The following TEX36 variants were observed in gnomAD, a reference collection of about 807,000 sequenced individuals.
TEX36 encodes the protein testis-expressed protein 36.
Under a neutral mutation model 13.6 loss-of-function variants are expected in TEX36, and 12 were observed. The ratio of observed to expected loss-of-function variants is 0.88; its 90% CI spans 0.56 to 1.43. TEX36 has a LOEUF of 1.43. Among genes scored for constraint, TEX36 ranks in the 40% most tolerant of loss-of-function variants. The pLI, the probability that TEX36 is intolerant of heterozygous loss-of-function variation, is 0.00. For synonymous variants in TEX36, 93 were observed against 83.0 expected (o/e 1.12, Z -0.65); for missense variants, 224 against 228.3 (o/e 0.98, Z 0.12).
At chr10:125,667,189 AC>A in intron 1 of TEX36, 2 of 652,886 alleles carry the variant, frequency 3.1e-6, no homozygotes, top group South Asian at 2.8e-5. Flanking sequence ...CAGCGTTGTG[AC>A]AGTCACCATG....
chr10:125,670,505 T>A (rs2133606127), intron 1 of TEX36, among the ~76,000 whole-genome samples: 1 of 152,312 alleles, frequency 6.6e-6, no homozygotes, highest in African/African-American at 2.4e-5. Flanking sequence ...ATGAGATGGA[T>A]AGATTGCAAA....
At chr10:125,638,666 C>T (rs1434506535) in intron 3 of TEX36, among the ~76,000 whole-genome samples, 1 of 152,228 alleles carries the variant, frequency 6.6e-6, no homozygotes, top group Non-Finnish European at 1.5e-5. Context: ...TAGTCCTGAG[C>T]TAAGCCACCG....
At chr10:125,660,906 T>C (rs1041748663) in intron 3 of TEX36, 115 bp downstream of exon 3, 1 of 873,488 alleles carries the variant, frequency 1.1e-6, no homozygotes, top group Non-Finnish European at 1.8e-6. Flanking sequence ...GACCTCGCTT[T>C]GTTTTGACCT....
chr10:125,668,687 G>T (rs1310594628), intron 1 of TEX36, among the ~76,000 whole-genome samples: 2 of 151,792 alleles, frequency 1.3e-5, no homozygotes, highest in Admixed American at 6.6e-5. Context: ...TTGATCCTTT[G>T]TATTTTCTTT....
downstream of TEX36, among the ~76,000 whole-genome samples, chr10:125,621,044 T>C (rs1846424645): frequency 6.6e-6 from 1 of 152,220 alleles, no homozygotes; most frequent in African/African-American, 2.4e-5. Flanking sequence ...TGGACACTTA[T>C]TTCTATGTTT....
At chr10:125,598,985 G>A (rs1434360140) in intron 3 of TEX36, among the ~76,000 whole-genome samples, 1 of 152,012 alleles carries the variant, frequency 6.6e-6, no homozygotes, top group Admixed American at 6.6e-5. Context: ...AATTTCCTCT[G>A]GAATCTCATC....
At chr10:125,578,885 G>A (rs1845855160) in intron 3 of TEX36, among the ~76,000 whole-genome samples, 1 of 152,236 alleles carries the variant, frequency 6.6e-6, no homozygotes, top group Non-Finnish European at 1.5e-5. Flanking sequence ...CCTGCTGATG[G>A]ACTCCCTTTC....
At chr10:125,625,461 G>A (rs11244585) in intron 3 of TEX36, among the ~76,000 whole-genome samples, 6,351 of 152,276 alleles carry the variant, frequency 0.042, 234 homozygotes, top group South Asian at 0.17. Context: ...TGATGTTCTG[G>A]ATCAGTTCAT....
At chr10:125,602,291 T>C (rs1338213177) in intron 3 of TEX36, among the ~76,000 whole-genome samples, 1 of 152,184 alleles carries the variant, frequency 6.6e-6, no homozygotes, top group Non-Finnish European at 1.5e-5. Flanking sequence ...ATTTTCACTA[T>C]GAAATTTGAA....
chr10:125,666,328 G>T lies in TEX36; in HGVS notation c.52-4351C>A, dbSNP rs142241851. Among the ~76,000 whole-genome samples, 443 of 152,312 alleles carry T rather than the reference G, an allele frequency of 2.9e-3. 8 individuals are homozygous for T. The South Asian group carries it at 0.041, about 14-fold the overall frequency. On this transcript the variant is annotated intron_variant, in intron 1 of 3. Transcript: ENST00000368821. The stretch of plus-strand genomic sequence containing the variant: ...TACTCCATTCAGTATGATGTTAGCT[G>T]TGGGTTGGCTGTATATGGTCTTTGT...
chr10:125,664,239 A>G (rs1181708802), intron 1 of TEX36, among the ~76,000 whole-genome samples: 1 of 151,992 alleles, frequency 6.6e-6, no homozygotes, highest in African/African-American at 2.4e-5. Flanking sequence ...CCATTCATCT[A>G]TTGATAGACA....
intron 3 of TEX36, among the ~76,000 whole-genome samples, chr10:125,632,223 G>A (rs1388759550): frequency 6.6e-6 from 1 of 152,106 alleles, no homozygotes; most frequent in Non-Finnish European, 1.5e-5. Flanking sequence ...TGGTCTGGGG[G>A]AGAGGTGGCA....
intron 3 of TEX36, among the ~76,000 whole-genome samples, chr10:125,630,081 T>C (rs1846533773): frequency 6.6e-6 from 1 of 152,248 alleles, no homozygotes; most frequent in Admixed American, 6.5e-5. Flanking sequence ...TCTGATTCTT[T>C]ACAACAAGTG....
chr10:125,610,499 T>C (rs1565173715), intron 3 of TEX36, among the ~76,000 whole-genome samples: 1 of 141,716 alleles, frequency 7.1e-6, no homozygotes, highest in Non-Finnish European at 1.5e-5. Context: ...GGAACTTGTG[T>C]TTCAAAAGAT....
chr10:125,655,394 G>A (rs1250635789), downstream of TEX36, among the ~76,000 whole-genome samples: 6 of 152,144 alleles, frequency 3.9e-5, no homozygotes, highest in Non-Finnish European at 7.3e-5. Flanking sequence ...GCAATGAGTC[G>A]AGATGGTGCC....
exon 4 of TEX36, chr10:125,576,580 A>G (rs1845827142): frequency 1.1e-6 from 1 of 931,618 alleles, no homozygotes; most frequent in East Asian, 2.7e-5. Flanking sequence ...CAAGCAGAAT[A>G]AGAGGATTTC....
chr10:125,672,282 C>T (rs1220528349), intron 1 of TEX36, among the ~76,000 whole-genome samples: 2 of 152,112 alleles, frequency 1.3e-5, no homozygotes, highest in African/African-American at 4.8e-5. Flanking sequence ...TATAAGTTTC[C>T]TTCTTAACAC....
intron 3 of TEX36, among the ~76,000 whole-genome samples, chr10:125,593,910 G>A (rs1397757673): frequency 6.6e-6 from 1 of 152,218 alleles, no homozygotes; most frequent in Non-Finnish European, 1.5e-5. Flanking sequence ...TTGATTTTAT[G>A]TTATGCAAAT....
intron 3 of TEX36, among the ~76,000 whole-genome samples, chr10:125,649,790 G>A (rs1846825525): frequency 6.6e-6 from 1 of 152,034 alleles, no homozygotes; most frequent in Non-Finnish European, 1.5e-5. Context: ...CAAAACAAAG[G>A]GATGAAGGAA....
Sources: gnomAD v4.1 joint callset for allele counts (sites outside exome capture counted in the v4.1 genomes callset) on GRCh38, gnomAD v4.1.1 for gene constraint, MANE v1.5 for transcripts, NCBI Gene and HGNC (gene_info 2026-07-23, HGNC 2026-07-21) for gene names.